The following SMURF2 variants were observed in gnomAD, a reference collection of about 807,000 sequenced individuals.
The protein encoded by SMURF2 is SMAD specific E3 ubiquitin protein ligase 2, also known as E3 ubiquitin-protein ligase SMURF2.
Under a neutral mutation model 109.6 loss-of-function variants are expected in SMURF2, and 48 were observed. The observed-to-expected ratio is 0.44, with a 90% CI of 0.35 to 0.56. The LOEUF (loss-of-function observed/expected upper bound fraction) is 0.56. SMURF2 is among the 20% of genes least tolerant of loss of function. The pLI is 0.01. For missense variants in SMURF2, 575 were observed against 909.0 expected, an observed-to-expected ratio of 0.63 and a Z score of 4.72; for synonymous variants, 288 against 317.1, an observed-to-expected ratio of 0.91 and a Z score of 0.97.
rs542304593 is a variant in SMURF2, at chr17:64,549,522, G to A, written c.1870-1721C>T. 2.0e-5 allele frequency among the ~76,000 whole-genome samples: 3 copies of A among 151,750 alleles called. No individual in the cohort carries two copies. The East Asian group carries it at 6.3e-4, about 32-fold the overall frequency. On this transcript the variant is annotated intron_variant, in intron 16 of 18. Transcript: ENST00000262435. ...TGTAATCCTAACAATTTGGGAAGCAGAGGCAGGTGGATTGCCTGAGCTAAA... is the reference window on the plus strand; with the variant it reads ...TGTAATCCTAACAATTTGGGAAGCAAAGGCAGGTGGATTGCCTGAGCTAAA...
intron 11 of SMURF2, among the ~76,000 whole-genome samples, chr17:64,562,465 C>T (rs1437449546): frequency 3.3e-5 from 5 of 150,780 alleles, no homozygotes; most frequent in East Asian, 2.0e-4. Flanking sequence ...CCGCAACCTC[C>T]GCCTCCTGGG....
intron 2 of SMURF2, among the ~76,000 whole-genome samples, chr17:64,599,273 G>C (rs1969860395): frequency 2.0e-5 from 3 of 152,294 alleles, no homozygotes; most frequent in African/African-American, 7.2e-5. Flanking sequence ...GTAAATGGCA[G>C]GGCCAGAATC....
rs1555683061 is a variant in SMURF2 at position 64,545,912 on chromosome 17, T to C, written c.2183A>G (p.Tyr728Cys). The change falls in exon 19 of 19, where the codon TAT (tyrosine) becomes TGT (cysteine). Residue 728 changes from tyrosine (Y) to cysteine (C), a missense_variant. Coordinates refer to ENST00000262435, the MANE Select transcript of SMURF2 (RefSeq NM_022739.4). ...NRIDIPPYES[Y>C]EKLYEKLLTA... The stretch of plus-strand genomic sequence containing the variant: ...TAGCAGCTTTTCATATAGCTTTTCA[T>C]AGCTTTCATAGGGTGGAATGTCTAT... 1.2e-6 allele frequency: 2 copies of C among 1,611,238 alleles called. No homozygotes were observed. The highest frequency in any genetic ancestry group is 1.3e-5 in the African/African-American group (1 of 74,998).
At chr17:64,641,763 ACT>A (rs1287222798) in intron 1 of SMURF2, among the ~76,000 whole-genome samples, 3 of 151,780 alleles carry the variant, frequency 2.0e-5, no homozygotes, top group East Asian at 3.9e-4. Flanking sequence ...CACACAATAG[ACT>A]CTGGGCCAAA....
At chr17:64,606,548 G>T in intron 2 of SMURF2, 54 bp downstream of exon 2, 1 of 1,250,234 alleles carries the variant, frequency 8.0e-7, no homozygotes, top group Non-Finnish European at 1.1e-6. Context: ...TTCTGAAAAC[G>T]CTGTTCCCAA....
chr17:64,584,361 CTTT>C (rs372682588), intron 6 of SMURF2, among the ~76,000 whole-genome samples: 4 of 112,746 alleles, frequency 3.5e-5, no homozygotes, highest in African/African-American at 3.7e-5. Flanking sequence ...CTTTTTTTTT[CTTT>C]TTTTTTTTTT....
At chr17:64,598,542 T>C (rs756721993) in intron 2 of SMURF2, 52 bp from the exon 3 acceptor site, 172 of 1,422,052 alleles carry the variant, frequency 1.2e-4, no homozygotes, top group Non-Finnish European at 1.6e-4. Context: ...AGATAGAAGA[T>C]TAATTATACA....
In SMURF2 at chr17:64,595,369, A is replaced by G. The variant is rs148444064; in HGVS notation, c.201-1796T>C. Reference sequence around the variant, plus strand: ...CCTTTTCTTATACATAGAGAAGTACATGCTCTCACTTTAATGAAACCTCAT... The same window carrying G: ...CCTTTTCTTATACATAGAGAAGTACGTGCTCTCACTTTAATGAAACCTCAT... On this transcript the variant is annotated intron_variant, in intron 3 of 18. Transcript: ENST00000262435. Among the ~76,000 whole-genome samples the G allele has an allele frequency of 3.0e-4, 45 of 152,356 alleles. 1 individual carries two copies. The East Asian group carries it at 8.1e-3, about 27-fold the overall frequency.
intron 15 of SMURF2, among the ~76,000 whole-genome samples, chr17:64,552,098 A>G (rs1191606830): frequency 2.6e-5 from 4 of 152,212 alleles, no homozygotes; most frequent in Admixed American, 6.5e-5. Context: ...TTGCAAATGT[A>G]ATTTGAATGT....
At chr17:64,633,290 A>G (rs1369654238) in intron 1 of SMURF2, among the ~76,000 whole-genome samples, 1 of 152,196 alleles carries the variant, frequency 6.6e-6, no homozygotes, top group African/African-American at 2.4e-5. Context: ...CAAAACAAAA[A>G]AACAGATCTC....
At chr17:64,597,543 C>A (rs1214046321) in intron 3 of SMURF2, among the ~76,000 whole-genome samples, 6 of 152,022 alleles carry the variant, frequency 3.9e-5, no homozygotes, top group African/African-American at 1.4e-4. Flanking sequence ...GAGACCGAGG[C>A]AGGCGGATCA....
chr17:64,553,216 T>TA (rs1439817398), intron 15 of SMURF2, among the ~76,000 whole-genome samples: 6 of 151,660 alleles, frequency 4.0e-5, no homozygotes, highest in Non-Finnish European at 4.4e-5. Context: ...AGTATAATCA[T>TA]AAAAAAACAG....
intron 1 of SMURF2, among the ~76,000 whole-genome samples, chr17:64,646,118 G>A (rs1441606449): frequency 6.6e-6 from 1 of 151,316 alleles, no homozygotes; most frequent in African/African-American, 2.4e-5. Flanking sequence ...CTAGGCTGGA[G>A]TGCAGTGGTG....
intron 2 of SMURF2, among the ~76,000 whole-genome samples, chr17:64,600,987 A>G (rs577323594): frequency 7.9e-5 from 12 of 152,234 alleles, no homozygotes; most frequent in African/African-American, 2.2e-4. Context: ...AGTAGCTCAC[A>G]CCTGTAATTT....
intron 1 of SMURF2, chr17:64,660,738 A>C (rs1399188614): frequency 6.6e-6 from 1 of 152,162 alleles, no homozygotes; most frequent in Non-Finnish European, 1.5e-5. Flanking sequence ...TATCTTTCTC[A>C]CCACTCACCC....
In SMURF2 at chr17:64,584,040, G is replaced by A. The variant is rs1273212954; in HGVS notation, c.486-496C>T. 9.2e-5 allele frequency among the ~76,000 whole-genome samples: 14 copies of A among 151,996 alleles called. No individual in the cohort carries two copies. The East Asian group carries it at 1.2e-3, about 13-fold the overall frequency. On this transcript the variant is annotated intron_variant, in intron 6 of 18. Coordinates refer to ENST00000262435, the MANE Select transcript of SMURF2 (RefSeq NM_022739.4). ...ACTATTGGCTGGCACGGTGTCTCAC[G>A]TCTGTAATTCCAGCATTTTGGGAGG...
intron 1 of SMURF2, among the ~76,000 whole-genome samples, chr17:64,646,033 T>G (rs1970554537): frequency 6.6e-6 from 1 of 152,122 alleles, no homozygotes; most frequent in South Asian, 2.1e-4. Context: ...TTAAAAAACT[T>G]TCTGGGAAAT....
chr17:64,637,346 C>T (rs1598308789), intron 1 of SMURF2, among the ~76,000 whole-genome samples: 1 of 151,742 alleles, frequency 6.6e-6, no homozygotes, highest in Admixed American at 6.6e-5. Flanking sequence ...AGACTGGTCC[C>T]GAACTCCTGG....
Position 64,648,779 on chromosome 17 carries a change from A to AACAC in SMURF2, c.52+13046_52+13049dup, listed in dbSNP as rs376328927. On this transcript the variant is annotated intron_variant, in intron 1 of 18. Coordinates refer to ENST00000262435, the MANE Select transcript of SMURF2 (RefSeq NM_022739.4). ...AAACAAAAACAAAAACAAAAAACAA[A>AACAC]ACACACACACACACACAATTTATTG... Among the ~76,000 whole-genome samples the AACAC allele has an allele frequency of 3.1e-3, 463 of 151,684 alleles. 2 individuals carry two copies. Among genetic ancestry groups the AACAC allele is most frequent in the African/African-American group, 0.011 (449 of 41,370 alleles).
Sources: gnomAD v4.1 joint callset for allele counts (sites outside exome capture counted in the v4.1 genomes callset) on GRCh38, gnomAD v4.1.1 for gene constraint, MANE v1.5 for transcripts, NCBI Gene and HGNC (gene_info 2026-07-23, HGNC 2026-07-21) for gene names.